The following BUB1 variants were observed in gnomAD, a reference collection of about 807,000 sequenced individuals.
BUB1 encodes the protein mitotic checkpoint serine/threonine-protein kinase BUB1.
Under a neutral mutation model 135.2 loss-of-function variants are expected in BUB1, and 84 were observed. The ratio of observed to expected loss-of-function variants is 0.62; its 90% CI spans 0.52 to 0.74. The LOEUF is 0.74. Ranked by LOEUF, BUB1 falls within the 30% of genes least tolerant of loss-of-function variation. The probability of loss-of-function intolerance (pLI) is 0.00; values close to 1 mark genes in which losing one functional copy is unlikely to be tolerated. For synonymous variants in BUB1, 403 were observed against 434.4 expected, an observed-to-expected ratio of 0.93 and a Z score of 0.90; for missense variants, 1,162 against 1,288.3, an observed-to-expected ratio of 0.90 and a Z score of 1.50.
chr2:110,638,243 G>A, intron 24 of BUB1, 84 bp from the exon 25 acceptor site: 1 of 1,117,708 alleles, frequency 8.9e-7, no homozygotes, highest in South Asian at 1.7e-5. Context: ...GACTTCCACA[G>A]GCTTGGACAG....
At chr2:110,667,419 GTCTTTCAACATAGTCAATTAT>G in intron 8 of BUB1, 81 bp downstream of exon 8, 1 of 1,207,502 alleles carries the variant, frequency 8.3e-7, no homozygotes, top group Non-Finnish European at 1.1e-6. Context: ...CTTTCTTGCA[GTCTTTCAACATAGTCAATTAT>G]TCTTTAAAAA....
At chr2:110,672,962 G>T in intron 3 of BUB1, 105 bp from the exon 4 acceptor site, 1 of 1,170,928 alleles carries the variant, frequency 8.5e-7, no homozygotes. Flanking sequence ...AGCTTCGGAT[G>T]GGAGCTGGTC....
chr2:110,654,190 G>C (rs1407518241), intron 16 of BUB1, among the ~76,000 whole-genome samples: 1 of 152,158 alleles, frequency 6.6e-6, no homozygotes, highest in Non-Finnish European at 1.5e-5. Flanking sequence ...AGAACATGGA[G>C]AGTAAAAGGC....
At chr2:110,650,151 A>G (rs1326686237) in intron 18 of BUB1, among the ~76,000 whole-genome samples, 1 of 118,172 alleles carries the variant, frequency 8.5e-6, no homozygotes, top group Non-Finnish European at 1.6e-5. Flanking sequence ...GTCCATCTCC[A>G]GACTCTGTGC....
intron 9 of BUB1, among the ~76,000 whole-genome samples, chr2:110,664,004 G>C (rs1353111357): frequency 6.7e-6 from 1 of 149,032 alleles, no homozygotes; most frequent in African/African-American, 2.5e-5. Flanking sequence ...CCTCCAGCCT[G>C]GGAGACAGTG....
chr2:110,666,512 G>T lies in BUB1; in HGVS notation c.806-98C>A, dbSNP rs1375040233. Reference sequence around the variant, plus strand: ...GGAAAGGGTTATATTTTAGGGGGCCGATTTTTTTATTAGTCTTTCTCATAT... The same window carrying T: ...GGAAAGGGTTATATTTTAGGGGGCCTATTTTTTTATTAGTCTTTCTCATAT... On this transcript the variant is annotated intron_variant, in intron 8 of 24. Transcript: ENST00000302759. The T allele has an allele frequency of 5.3e-6, 5 of 938,514 alleles. No individual in the cohort carries two copies. In the South Asian group the frequency reaches 2.1e-4, roughly 40 times the overall value. The allele number at this position is 938,514 out of a possible 1,614,324, so 58.1% of individuals were successfully genotyped here. A position where few individuals can be genotyped will look rare whatever the true frequency, so the allele number is the denominator to read the frequency against.
chr2:110,667,587 AT>A lies in BUB1; in HGVS notation c.738del (p.Glu246AspfsTer9). 6.2e-7 allele frequency: 1 copy of A among 1,614,006 alleles called. No individual in the cohort carries two copies. Among genetic ancestry groups the A allele is most frequent in the Non-Finnish European group, 8.5e-7 (1 of 1,179,986 alleles). On this transcript the variant is annotated frameshift_variant, in exon 8 of 25. Coordinates refer to ENST00000302759, the MANE Select transcript of BUB1 (RefSeq NM_004336.5). LOFTEE classifies it high-confidence loss of function. ...MYCKEKLIRGESEFSFEELRA... is the reference protein window; with the variant it reads ...MYCKEKLIRGXSEFSFEELRA... ...CTCAATTCTTCAAAGGAAAATTCTG[AT>A]TCCCCACGAATAAGCTTCTCCTTGC... is the stretch of plus-strand genomic sequence containing the variant.
At chr2:110,674,282 G>A in intron 2 of BUB1, 24 bp downstream of exon 2, 1 of 1,613,530 alleles carries the variant, frequency 6.2e-7, no homozygotes, top group Non-Finnish European at 8.5e-7. Flanking sequence ...TTGTTTAAGG[G>A]AAATAAAATA....
At chr2:110,651,597 A>G (rs1689788276) in intron 17 of BUB1, among the ~76,000 whole-genome samples, 1 of 152,134 alleles carries the variant, frequency 6.6e-6, no homozygotes, top group Admixed American at 6.6e-5. Flanking sequence ...AGTGTAACCT[A>G]ACTATAGTGT....
At chr2:110,657,437 C>T (rs1689962296) in intron 14 of BUB1, 109 bp downstream of exon 14, 6 of 756,998 alleles carry the variant, frequency 7.9e-6, no homozygotes, top group Non-Finnish European at 1.2e-5. Context: ...GGTCAAAAGG[C>T]TCATTTGACC....
At chr2:110,658,811 T>G (rs1327148578) in intron 11 of BUB1, 69 bp from the exon 12 acceptor site, 2 of 1,567,706 alleles carry the variant, frequency 1.3e-6, no homozygotes, top group South Asian at 1.1e-5. Context: ...GACACACAAT[T>G]TAAGTAAGTT....
chr2:110,659,694 A>T (rs1215130115), intron 11 of BUB1, among the ~76,000 whole-genome samples: 1 of 152,240 alleles, frequency 6.6e-6, no homozygotes, highest in Non-Finnish European at 1.5e-5. Flanking sequence ...CCTACCTAAC[A>T]TACTAAAGAT....
chr2:110,640,969 A>G, intron 23 of BUB1, 65 bp downstream of exon 23: 1 of 1,478,324 alleles, frequency 6.8e-7, no homozygotes, highest in Non-Finnish European at 9.0e-7. Flanking sequence ...CCCCAAATTC[A>G]TTTTGAAAAT....
intron 10 of BUB1, chr2:110,661,232 T>A (rs1690074339): frequency 4.9e-6 from 1 of 203,768 alleles, no homozygotes; most frequent in Admixed American, 5.5e-5. Context: ...AGTAATTGTC[T>A]AGACAGTTAT....
intron 9 of BUB1, among the ~76,000 whole-genome samples, chr2:110,664,603 A>G (rs1690195288): frequency 6.8e-6 from 1 of 146,176 alleles, no homozygotes; most frequent in Non-Finnish European, 1.5e-5. Context: ...TAAATAAGCT[A>G]CTGGAGAAAG....
intron 9 of BUB1, among the ~76,000 whole-genome samples, chr2:110,662,605 G>A (rs886361268): frequency 6.6e-6 from 1 of 152,290 alleles, no homozygotes; most frequent in Admixed American, 6.5e-5. Flanking sequence ...TTTGAGACCA[G>A]GCTAGGCAAC....
intron 19 of BUB1, among the ~76,000 whole-genome samples, chr2:110,646,166 C>G (rs1689640755): frequency 8.8e-6 from 1 of 113,688 alleles, no homozygotes; most frequent in Non-Finnish European, 1.7e-5. Flanking sequence ...CTATCTCTAC[C>G]CAAAAAAAAA....
chr2:110,667,888 G>C, intron 6 of BUB1, 39 bp from the exon 7 acceptor site: 1 of 1,594,352 alleles, frequency 6.3e-7, no homozygotes, highest in Non-Finnish European at 8.5e-7. Flanking sequence ...TCACTTATCT[G>C]AGAAGAAAGC....
At chr2:110,666,559 G>A in intron 8 of BUB1, 145 bp from the exon 9 acceptor site, 1 of 492,884 alleles carries the variant, frequency 2.0e-6, no homozygotes, top group Non-Finnish European at 3.0e-6. Context: ...AGTGAAACTT[G>A]TATTACCTTT....
Sources: allele counts gnomAD v4.1 joint callset (sites outside exome capture counted in the v4.1 genomes callset), GRCh38; gene constraint gnomAD v4.1.1; transcripts MANE v1.5; gene names NCBI Gene and HGNC (gene_info 2026-07-23, HGNC 2026-07-21).